CRYL1: variants seen among roughly 807,000 people sequenced by gnomAD.
CRYL1 encodes the protein crystallin lambda 1.
In CRYL1, 29 loss-of-function variants were observed where a neutral mutation model predicts 36.6. The ratio of observed to expected loss-of-function variants is 0.79; its 90% CI spans 0.59 to 1.08. The LOEUF (loss-of-function observed/expected upper bound fraction) is 1.08, where lower values mean the gene tolerates loss of function less well. Among genes scored for constraint, CRYL1 ranks in the 50% least tolerant of loss-of-function variants. The pLI is 0.00. For missense variants in CRYL1, 411 were observed against 407.9 expected (o/e 1.01, Z -0.06); for synonymous variants, 152 against 151.5 (o/e 1.00, Z -0.02).
rs557874337 is a variant in CRYL1 at position 20,460,557 on chromosome 13, GCT to G, written c.277-20805_277-20804del. 9.3e-5 allele frequency among the ~76,000 whole-genome samples: 10 copies of G among 107,606 alleles called. No homozygotes were observed. The South Asian group carries it at 1.3e-3, about 14-fold the overall frequency. The allele number at this position is 107,606 out of a possible 152,430, so 70.6% of individuals were successfully genotyped here. A position where few individuals can be genotyped will look rare whatever the true frequency, so the allele number is the denominator to read the frequency against. On this transcript the variant is annotated intron_variant, in intron 3 of 7. Transcript: ENST00000298248. ...TTTTTTTTTTTTGAGACGGAGTCTC[GCT>G]CTGTCGCCCAGGCTGGAGTGCAGTG...
At chr13:20,499,675 G>A (rs539597568) in intron 2 of CRYL1, among the ~76,000 whole-genome samples, 1 of 152,122 alleles carries the variant, frequency 6.6e-6, no homozygotes, top group South Asian at 2.1e-4. Flanking sequence ...AATGTAGGAA[G>A]CATTGTCAAA....
chr13:20,428,856 A>G (rs553156478), intron 5 of CRYL1, among the ~76,000 whole-genome samples: 48 of 152,282 alleles, frequency 3.2e-4, no homozygotes, highest in East Asian at 1.2e-3. Context: ...CATTTCCAGC[A>G]GGCTCCCTCA....
rs147596642 is a variant in CRYL1, at chr13:20,511,807, C to T, written c.149+636G>A. On this transcript the variant is annotated intron_variant, in intron 2 of 7. Transcript: ENST00000298248. ...CTTCTTTCCCCTGTCCTTGACCTCC[C>T]TCACTCTCAGCCTTTCTTTGGTTCC... Among the ~76,000 whole-genome samples the T allele has an allele frequency of 5.4e-3, 822 of 152,336 alleles. 8 individuals carry two copies. The highest frequency in any genetic ancestry group is 0.018 in the African/African-American group (753 of 41,576).
At chr13:20,513,929 A>C (rs1206289681) in intron 1 of CRYL1, among the ~76,000 whole-genome samples, 1 of 148,948 alleles carries the variant, frequency 6.7e-6, no homozygotes, top group Non-Finnish European at 1.5e-5. Context: ...AAAAAAAAAA[A>C]CGCATCGATG....
chr13:20,434,486 G>A (rs1007629122), intron 4 of CRYL1, among the ~76,000 whole-genome samples: 3 of 151,868 alleles, frequency 2.0e-5, no homozygotes, highest in African/African-American at 7.3e-5. Context: ...CTAATCGGGG[G>A]AAGGATTGAA....
chr13:20,507,714 C>G (rs183089586), intron 2 of CRYL1, among the ~76,000 whole-genome samples: 135 of 151,872 alleles, frequency 8.9e-4, no homozygotes, highest in East Asian at 3.7e-3. Flanking sequence ...GTCAGGAGAT[C>G]GAGACCATCC....
chr13:20,525,644 G>T lies in CRYL1; in HGVS notation c.41+110C>A. ...GCAGGGCTTCGGAGGACCGGAGGCCGGGGCGGGGACAGCGACCCGGCGCCC... is the reference window on the plus strand; with the variant it reads ...GCAGGGCTTCGGAGGACCGGAGGCCTGGGCGGGGACAGCGACCCGGCGCCC... On this transcript the variant is annotated intron_variant, in intron 1 of 7. Transcript: ENST00000298248. This position sits in a 1 kb window ranked among gnomAD's most constrained non-coding sequence, Gnocchi z 4.3. 2 of 908,540 alleles carry T rather than the reference G, an allele frequency of 2.2e-6. No individual in the cohort carries two copies. Among genetic ancestry groups the T allele is most frequent in the Non-Finnish European group, 2.9e-6 (2 of 689,882 alleles). 56.3% of individuals were successfully genotyped at this position (908,540 alleles called of 1,614,324 possible). A position where few individuals can be genotyped will look rare whatever the true frequency, so the allele number is the denominator to read the frequency against.
chr13:20,441,436 T>C (rs1263301915), intron 3 of CRYL1, among the ~76,000 whole-genome samples: 1 of 152,076 alleles, frequency 6.6e-6, no homozygotes, highest in Non-Finnish European at 1.5e-5. Context: ...TGCCACCAAA[T>C]GCATCCTCAA....
At chr13:20,466,033 A>G (rs1257545983) in intron 3 of CRYL1, among the ~76,000 whole-genome samples, 1 of 151,762 alleles carries the variant, frequency 6.6e-6, no homozygotes, top group Non-Finnish European at 1.5e-5. Flanking sequence ...ACCTTCTGCC[A>G]TGGGTGGGAG....
In CRYL1 at chr13:20,403,992, C is replaced by T. The variant is rs1235701675; in HGVS notation, c.*137G>A. 1.5e-6 allele frequency: 1 copy of T among 654,638 alleles called. No homozygotes were observed. The highest frequency in any genetic ancestry group is 2.7e-5 in the East Asian group (1 of 37,588). The allele number at this position is 654,638 out of a possible 1,614,324, so 40.6% of individuals were successfully genotyped here. A position where few individuals can be genotyped will look rare whatever the true frequency, so the allele number is the denominator to read the frequency against. Reference sequence around the variant, plus strand: ...GGCAGACTACCGGCCTGCACCACCCCACTCAGGCTGCACACAAGACAGCCA... The same window carrying T: ...GGCAGACTACCGGCCTGCACCACCCTACTCAGGCTGCACACAAGACAGCCA... On this transcript the variant is annotated 3_prime_UTR_variant, in exon 8 of 8. Coordinates refer to ENST00000298248, the MANE Select transcript of CRYL1 (RefSeq NM_015974.3).
chr13:20,489,701 G>A (rs373600796), intron 2 of CRYL1, among the ~76,000 whole-genome samples: 5 of 152,334 alleles, frequency 3.3e-5, no homozygotes, highest in African/African-American at 1.2e-4. Flanking sequence ...CACTGCTGGT[G>A]AGACTGTAAA....
intron 6 of CRYL1, among the ~76,000 whole-genome samples, chr13:20,411,269 G>A (rs569234768): frequency 4.5e-4 from 69 of 152,172 alleles, no homozygotes; most frequent in African/African-American, 1.5e-3. Flanking sequence ...AACTACATCC[G>A]TCCACCATTA....
At chr13:20,503,671 G>A (rs938814950) in intron 2 of CRYL1, among the ~76,000 whole-genome samples, 1 of 152,224 alleles carries the variant, frequency 6.6e-6, no homozygotes, top group African/African-American at 2.4e-5. Flanking sequence ...ACAGGGGAGT[G>A]CAGACAGAGA....
At chr13:20,509,538 A>C (rs2033875248) in intron 2 of CRYL1, among the ~76,000 whole-genome samples, 1 of 151,982 alleles carries the variant, frequency 6.6e-6, no homozygotes, top group South Asian at 2.1e-4. Flanking sequence ...ATGTTTTTAC[A>C]TTAAAAAGTA....
intron 4 of CRYL1, among the ~76,000 whole-genome samples, chr13:20,436,617 C>A (rs1175272436): frequency 1.3e-5 from 2 of 152,124 alleles, no homozygotes; most frequent in East Asian, 3.9e-4. Flanking sequence ...TCCTGGAAGC[C>A]CACCCTAAAA....
chr13:20,482,162 T>G (rs7986974), intron 3 of CRYL1, among the ~76,000 whole-genome samples: 106,316 of 152,032 alleles, frequency 0.7, 37,411 homozygotes, highest in East Asian at 0.8. Flanking sequence ...TGACAGTGTC[T>G]GAAGGTCCTT....
chr13:20,458,135 T>A (rs2032728231), intron 3 of CRYL1, among the ~76,000 whole-genome samples: 2 of 152,234 alleles, frequency 1.3e-5, no homozygotes, highest in Admixed American at 1.3e-4. Flanking sequence ...TTGCACATTT[T>A]TTCTCAATGT....
chr13:20,508,814 A>T (rs61955506), intron 2 of CRYL1, among the ~76,000 whole-genome samples: 26,143 of 128,572 alleles, frequency 0.2, 2,453 homozygotes, highest in Middle Eastern at 0.31. Flanking sequence ...GCTCCACTGC[A>T]CTCCACTCCG....
intron 5 of CRYL1, among the ~76,000 whole-genome samples, chr13:20,420,701 T>TTTTTTTTTTTTTTTTTTTTTTTTGGTGTG: frequency 4.6e-5 from 1 of 21,874 alleles, no homozygotes; most frequent in East Asian, 2.1e-3. Flanking sequence ...AAAATAGAGG[T>TTTTTTTTTTTTTTTTTTTTTTTTGGTGTG]TGTGTGTGTG....
Sources: gnomAD v4.1 joint callset for allele counts (sites outside exome capture counted in the v4.1 genomes callset) on GRCh38, gnomAD v4.1.1 for gene constraint, Gnocchi (gnomAD v3.1) non-coding constraint, MANE v1.5 for transcripts, NCBI Gene and HGNC (gene_info 2026-07-23, HGNC 2026-07-21) for gene names.